The following CCDC18 variants were observed in gnomAD, a reference collection of about 807,000 sequenced individuals.
CCDC18 encodes the protein coiled-coil domain containing 18.
Under a neutral mutation model 196.0 loss-of-function variants are expected in CCDC18, and 157 were observed. That is an observed-to-expected ratio of 0.80 (90% confidence interval 0.70 to 0.91). The LOEUF (loss-of-function observed/expected upper bound fraction) is 0.91. CCDC18 is among the 40% of genes least tolerant of loss of function. The pLI, the probability that CCDC18 is intolerant of heterozygous loss-of-function variation, is 0.00. For missense variants in CCDC18, 1,465 were observed against 1,611.6 expected (o/e 0.91, Z 1.56); for synonymous variants, 482 against 529.2 (o/e 0.91, Z 1.22).
At position 93,184,034 on chromosome 1, in the gene CCDC18, T is replaced by G. The variant is rs1650204967; in HGVS notation, c.191T>G (p.Leu64Arg). 1 of 1,588,580 alleles carries G rather than the reference T, an allele frequency of 6.3e-7. No individual in the cohort carries two copies. Among genetic ancestry groups the G allele is most frequent in the South Asian group, 1.2e-5 (1 of 86,856 alleles). The change falls in exon 3 of 29, where the codon CTA becomes CGA. Residue 64 changes from leucine (L) to arginine (R), a missense_variant. By Grantham distance (102) the Leu-to-Arg change is moderately radical. Coordinates refer to ENST00000690025, the MANE Select transcript of CCDC18 (RefSeq NM_001378204.1). Reference sequence around the variant, plus strand: ...CCTAATCCTTCAAGGTCTGAAAAGCTAATTTTGGATGTTCAGCCTAGCCAC... The same window carrying G: ...CCTAATCCTTCAAGGTCTGAAAAGCGAATTTTGGATGTTCAGCCTAGCCAC... Reference protein sequence around the residue: ...YAPNPSRSEKLILDVQPSHPG... With the variant: ...YAPNPSRSEKRILDVQPSHPG...
At chr1:93,207,815 A>T (rs1208970754) in intron 9 of CCDC18, among the ~76,000 whole-genome samples, 1 of 152,166 alleles carries the variant, frequency 6.6e-6, no homozygotes. Context: ...TTCTACCCCT[A>T]GGAAGACACT....
At chr1:93,188,229 A>G (rs1018529061) in intron 4 of CCDC18, among the ~76,000 whole-genome samples, 1 of 152,138 alleles carries the variant, frequency 6.6e-6, no homozygotes, top group African/African-American at 2.4e-5. Flanking sequence ...CCCACTATTG[A>G]GACTGTTTTG....
intron 6 of CCDC18, among the ~76,000 whole-genome samples, chr1:93,198,795 G>A (rs1026165561): frequency 1.2e-4 from 19 of 152,086 alleles, no homozygotes; most frequent in East Asian, 5.8e-4. Context: ...CTACAGGCTT[G>A]CCCCACCACA....
At position 93,264,748 on chromosome 1, in the gene CCDC18, C is replaced by A. The variant is rs779073115; in HGVS notation, c.3732C>A (p.Asp1244Glu). Residue 1244 changes from aspartate (D) to glutamate (E), a missense_variant, in exon 27 of 29, where the codon GAC becomes GAA. Transcript: ENST00000690025. ...ENHAKWKISADSQKSSVQQLN... is the reference protein window; with the variant it reads ...ENHAKWKISAESQKSSVQQLN... ...ATGCAAAGTGGAAGATTTCTGCTGACTCTCAAAAGTCTTCTGTTCAGCAAC... is the reference window on the plus strand; with the variant it reads ...ATGCAAAGTGGAAGATTTCTGCTGAATCTCAAAAGTCTTCTGTTCAGCAAC... The A allele has an allele frequency of 2.5e-6, 4 of 1,613,042 alleles. No individual in the cohort carries two copies. The highest frequency in any genetic ancestry group is 3.4e-6 in the Non-Finnish European group (4 of 1,179,262).
chr1:93,193,162 T>TA (rs957704204), intron 5 of CCDC18, among the ~76,000 whole-genome samples: 2 of 151,918 alleles, frequency 1.3e-5, no homozygotes, highest in Non-Finnish European at 2.9e-5. Context: ...TATCAGCAAA[T>TA]AAAAAAAATT....
At chr1:93,267,385 A>G (rs1570647186) in intron 27 of CCDC18, among the ~76,000 whole-genome samples, 1 of 152,220 alleles carries the variant, frequency 6.6e-6, no homozygotes, top group Non-Finnish European at 1.5e-5. Flanking sequence ...CTGGCACAAG[A>G]CAGGGGTGCC....
intron 12 of CCDC18, among the ~76,000 whole-genome samples, 174 bp from the exon 13 acceptor site, chr1:93,216,462 A>C (rs1159462724): frequency 4.6e-5 from 7 of 152,174 alleles, no homozygotes; most frequent in Non-Finnish European, 1.0e-4. Flanking sequence ...ACTTATAATT[A>C]TGTGGGTTAA....
At chr1:93,198,646 A>C (rs1470697190) in intron 6 of CCDC18, among the ~76,000 whole-genome samples, 1 of 152,176 alleles carries the variant, frequency 6.6e-6, no homozygotes, top group Non-Finnish European at 1.5e-5. Context: ...AGATATGTAT[A>C]GTCTTAATTT....
At chr1:93,220,272 T>G (rs1444748287) in intron 14 of CCDC18, among the ~76,000 whole-genome samples, 1 of 152,152 alleles carries the variant, frequency 6.6e-6, no homozygotes, top group Non-Finnish European at 1.5e-5. Flanking sequence ...TCATTCTATT[T>G]TATATCCAAC....
intron 19 of CCDC18, among the ~76,000 whole-genome samples, chr1:93,236,896 A>G (rs1263277154): frequency 6.6e-6 from 1 of 152,184 alleles, no homozygotes; most frequent in Admixed American, 6.5e-5. Flanking sequence ...AATAAAACCT[A>G]AAGATTCTGA....
In CCDC18 at chr1:93,200,135, C is replaced by T. The variant is rs185960965; in HGVS notation, c.699-1757C>T. On this transcript the variant is annotated intron_variant, in intron 6 of 28. Transcript: ENST00000690025. The stretch of plus-strand genomic sequence containing the variant: ...GAGTAGCTGGGACTACAGGTGTGCA[C>T]CACCATGCCCAGTTAACTTTTTGTA... 9.7e-4 allele frequency among the ~76,000 whole-genome samples: 147 copies of T among 152,128 alleles called. 1 individual carries two copies. The highest frequency in any genetic ancestry group is 3.2e-3 in the African/African-American group (133 of 41,512).
At chr1:93,267,676 C>T (rs1223927843) in intron 27 of CCDC18, among the ~76,000 whole-genome samples, 2 of 152,184 alleles carry the variant, frequency 1.3e-5, no homozygotes, top group Non-Finnish European at 2.9e-5. Flanking sequence ...TATGAGTGAA[C>T]TCCCATTCAC....
chr1:93,246,797 A>G (rs1661546692), intron 22 of CCDC18, 41 bp from the exon 23 acceptor site: 1 of 902,610 alleles, frequency 1.1e-6, no homozygotes. Flanking sequence ...AAGTTTTTAT[A>G]TCAGAATAAA....
intron 21 of CCDC18, among the ~76,000 whole-genome samples, chr1:93,241,107 A>C (rs1660714899): frequency 1.3e-5 from 2 of 152,018 alleles, no homozygotes. Context: ...GGCACCTGCC[A>C]CCACGCCTGG....
intron 9 of CCDC18, among the ~76,000 whole-genome samples, chr1:93,208,263 G>C (rs1276918978): frequency 6.6e-6 from 1 of 151,890 alleles, no homozygotes; most frequent in Non-Finnish European, 1.5e-5. Context: ...ACTTGTTCTT[G>C]TCTGTCTCTT....
rs1482669882 is a variant in CCDC18 at position 93,258,730 on chromosome 1, C to G, written c.3547-18C>G. The G allele has an allele frequency of 3.3e-6, 5 of 1,522,094 alleles. No homozygotes were observed. Among genetic ancestry groups the G allele is most frequent in the Admixed American group, 2.3e-5 (1 of 43,644 alleles). The allele number at this position is 1,522,094 out of a possible 1,614,324, so 94.3% of individuals were successfully genotyped here. A position where few individuals can be genotyped will look rare whatever the true frequency, so the allele number is the denominator to read the frequency against. On this transcript the variant is annotated intron_variant, in intron 25 of 28. Coordinates refer to ENST00000690025, the MANE Select transcript of CCDC18 (RefSeq NM_001378204.1). Reference sequence around the variant, plus strand: ...ATAAACAAGTTTTATAGCTTTTACTCAATATGTCATTTTTAAGGATGCTCA... The same window carrying G: ...ATAAACAAGTTTTATAGCTTTTACTGAATATGTCATTTTTAAGGATGCTCA...
At position 93,246,943 on chromosome 1, in the gene CCDC18, T is replaced by C; in HGVS notation, c.3187T>C (p.Cys1063Arg). Reference protein sequence around the residue: ...LEKSELELKECNKQIESLNDK... With the variant: ...LEKSELELKERNKQIESLNDK... ...GAAATCAGAATTGGAACTTAAAGAA[T>C]GTAACAAACAGGTAAATTATTTTAA... Residue 1063 changes from cysteine (C) to arginine (R), a missense_variant, in exon 23 of 29, where the codon TGT (cysteine) becomes CGT (arginine). By Grantham distance (180) the Cys-to-Arg change is radical (BLOSUM62 -3). Transcript: ENST00000690025. The C allele has an allele frequency of 1.7e-6, 2 of 1,190,550 alleles. No individual in the cohort carries two copies. The highest frequency in any genetic ancestry group is 4.9e-5 in the East Asian group (2 of 41,030). 73.7% of individuals were successfully genotyped at this position (1,190,550 alleles called of 1,614,324 possible).
chr1:93,181,006 G>C (rs1405736477), intron 1 of CCDC18, 154 bp downstream of exon 1: 4 of 682,380 alleles, frequency 5.9e-6, no homozygotes, highest in Non-Finnish European at 8.9e-6. Context: ...TGCTCTGAAC[G>C]GTTGTATTTT....
chr1:93,273,218 G>A (rs6541400), intron 28 of CCDC18, among the ~76,000 whole-genome samples: 3 of 151,556 alleles, frequency 2.0e-5, no homozygotes, highest in Non-Finnish European at 4.4e-5. Context: ...ACAGGCGCCC[G>A]CCACCACGCC....
Sources: allele counts gnomAD v4.1 joint callset (sites outside exome capture counted in the v4.1 genomes callset), GRCh38; gene constraint gnomAD v4.1.1; transcripts MANE v1.5; gene names NCBI Gene and HGNC (gene_info 2026-07-23, HGNC 2026-07-21).